Variants in NDEL1 observed in about 807,000 individuals in gnomAD.
The protein encoded by NDEL1 is nuclear distribution protein nudE-like 1.
In NDEL1, 9 loss-of-function variants were observed where a neutral mutation model predicts 45.7. That is an observed-to-expected ratio of 0.20 (90% confidence interval 0.12 to 0.34). NDEL1 has a LOEUF of 0.34. NDEL1 is among the 10% of genes least tolerant of loss of function. The pLI is 1.00. For missense variants in NDEL1, 306 were observed against 406.2 expected (o/e 0.75, Z 2.12); for synonymous variants, 133 against 158.6 (o/e 0.84, Z 1.21).
intron 5 of NDEL1, among the ~76,000 whole-genome samples, 177 bp from the exon 6 acceptor site, chr17:8,450,603 A>G (rs563817865): frequency 3.9e-5 from 6 of 152,332 alleles, no homozygotes; most frequent in African/African-American, 1.4e-4. Context: ...GATCATTTAG[A>G]CAGTAGTTTT....
At chr17:8,427,844 C>T (rs1001920632) in intron 1 of NDEL1, among the ~76,000 whole-genome samples, 1 of 152,134 alleles carries the variant, frequency 6.6e-6, no homozygotes, top group East Asian at 1.9e-4. Context: ...TATTGAGTGC[C>T]CACTCAGTGA....
In NDEL1 at chr17:8,460,161, G is replaced by A. The variant is rs1911108590; in HGVS notation, c.944+1G>A. 6.2e-7 allele frequency: 1 copy of A among 1,611,174 alleles called. No individual in the cohort carries two copies. The highest frequency in any genetic ancestry group is 8.5e-7 in the Non-Finnish European group (1 of 1,179,016). On this transcript the variant is annotated splice_donor_variant, in intron 8 of 8. Transcript: ENST00000334527. LOFTEE classifies it high-confidence loss of function. ...GGCATACATCTTTCTTCGACAAAGG[G>A]TAAGTCCTGAATGTTTTAAGTGATA...
intron 8 of NDEL1, chr17:8,463,413 G>C: frequency 6.6e-7 from 1 of 1,520,550 alleles, no homozygotes; most frequent in Admixed American, 1.7e-5. Context: ...GTGTGTGGTG[G>C]AAGACACATT....
At chr17:8,470,749 T>C (rs554074298), downstream of NDEL1, among the ~76,000 whole-genome samples, 2 of 152,318 alleles carry the variant, frequency 1.3e-5, no homozygotes, top group Admixed American at 6.5e-5. This position sits in a 1 kb window ranked among gnomAD's most constrained non-coding sequence, Gnocchi z 4.2. Context: ...ACTCCCACGC[T>C]CTGTCCTGTG....
upstream of NDEL1, among the ~76,000 whole-genome samples, chr17:8,434,395 T>G (rs1401795967): frequency 2.0e-5 from 3 of 152,046 alleles, no homozygotes; most frequent in Admixed American, 2.0e-4. Context: ...TTTTGTACTT[T>G]TAGTAGAGAC....
intron 1 of NDEL1, chr17:8,436,618 A>C (rs1909361739): frequency 6.6e-6 from 1 of 152,272 alleles, no homozygotes; most frequent in Non-Finnish European, 1.5e-5. Flanking sequence ...AAGTGTCACC[A>C]ACGGGCTCGG....
At chr17:8,462,642 T>G (rs1021427933) in intron 8 of NDEL1, 1 of 152,228 alleles carries the variant, frequency 6.6e-6, no homozygotes, top group African/African-American at 2.4e-5. Context: ...GGCTTGTAGT[T>G]TCAGCATGAG....
At chr17:8,418,381 G>T (rs1489557014) in intron 1 of NDEL1, among the ~76,000 whole-genome samples, 1 of 152,132 alleles carries the variant, frequency 6.6e-6, no homozygotes, top group Non-Finnish European at 1.5e-5. Flanking sequence ...CTAACATTGG[G>T]TATTACCATT....
At chr17:8,442,326 C>T (rs1181561595) in intron 1 of NDEL1, among the ~76,000 whole-genome samples, 3 of 152,214 alleles carry the variant, frequency 2.0e-5, no homozygotes. Flanking sequence ...TTGCTTACTC[C>T]ATTCCTGAAG....
chr17:8,468,919 G>A (rs939324814), downstream of NDEL1, among the ~76,000 whole-genome samples: 10 of 152,134 alleles, frequency 6.6e-5, no homozygotes, highest in Non-Finnish European at 1.0e-4. Context: ...CAGGAGAATC[G>A]CTTGAACCTG....
In NDEL1 at chr17:8,445,703, C is replaced by T. The variant is rs776485207; in HGVS notation, c.87-8C>T. 6.3e-7 allele frequency: 1 copy of T among 1,587,266 alleles called. No individual in the cohort carries two copies. The highest frequency in any genetic ancestry group is 1.4e-5 in the African/African-American group (1 of 73,008). The stretch of plus-strand genomic sequence containing the variant: ...GTAACTCGTCTTTCCCACTTTGTTT[C>T]TGATTAGCTTCCAGGAAGCTCGGGA... On this transcript the variant is annotated splice_polypyrimidine_tract_variant and splice_region_variant and intron_variant, in intron 2 of 8. Coordinates refer to ENST00000334527, the MANE Select transcript of NDEL1 (RefSeq NM_030808.5).
rs1390088230 is a variant in NDEL1 at position 8,448,705 on chromosome 17, A to G, written c.526+19A>G. The G allele has an allele frequency of 6.2e-7, 1 of 1,600,760 alleles. No individual in the cohort carries two copies. The highest frequency in any genetic ancestry group is 1.3e-5 in the African/African-American group (1 of 74,406). ...GCAAGAGGTAAAATTTATAACTTAAAGAATACAGTTGACCCTTGAACAACA... is the reference window on the plus strand; with the variant it reads ...GCAAGAGGTAAAATTTATAACTTAAGGAATACAGTTGACCCTTGAACAACA... On this transcript the variant is annotated intron_variant, in intron 5 of 8. Coordinates refer to ENST00000334527, the MANE Select transcript of NDEL1 (RefSeq NM_030808.5).
At chr17:8,460,307 T>A in intron 8 of NDEL1, 147 bp downstream of exon 8, 1 of 816,888 alleles carries the variant, frequency 1.2e-6, no homozygotes, top group Non-Finnish European at 1.9e-6. Flanking sequence ...TGACATGACG[T>A]CTGTTGTTGT....
chr17:8,428,365 T>TA (rs1449596443), intron 1 of NDEL1, among the ~76,000 whole-genome samples: 6 of 146,454 alleles, frequency 4.1e-5, no homozygotes, highest in Non-Finnish European at 7.5e-5. Flanking sequence ...TGTGTGTATT[T>TA]TTTTTTTTTT....
At chr17:8,428,964 C>A (rs557892378) in intron 1 of NDEL1, among the ~76,000 whole-genome samples, 1 of 152,202 alleles carries the variant, frequency 6.6e-6, no homozygotes, top group East Asian at 1.9e-4. Context: ...TGAGCCACCG[C>A]GCCCGGCCTA....
At chr17:8,417,032 T>C (rs1908561389) in intron 1 of NDEL1, among the ~76,000 whole-genome samples, 1 of 152,234 alleles carries the variant, frequency 6.6e-6, no homozygotes, top group African/African-American at 2.4e-5. Flanking sequence ...TCTCTGAAGA[T>C]ATTAAACATT....
At chr17:8,469,612 C>A (rs767237804), downstream of NDEL1, among the ~76,000 whole-genome samples, 7 of 152,120 alleles carry the variant, frequency 4.6e-5, no homozygotes, top group Non-Finnish European at 7.3e-5. Context: ...ATTTCTGATC[C>A]CTTTGGGAAG....
intron 1 of NDEL1, among the ~76,000 whole-genome samples, chr17:8,430,171 G>T (rs1390337386): frequency 1.3e-5 from 2 of 152,164 alleles, no homozygotes. Flanking sequence ...TCTGTTTGGG[G>T]TTTCGGCATG....
chr17:8,461,908 G>A (rs1464961724), intron 8 of NDEL1, among the ~76,000 whole-genome samples: 3 of 152,076 alleles, frequency 2.0e-5, no homozygotes, highest in African/African-American at 7.2e-5. Context: ...ACAGGTGCCT[G>A]TGCGTGTGGA....
Sources: allele counts gnomAD v4.1 joint callset (sites outside exome capture counted in the v4.1 genomes callset), GRCh38; gene constraint gnomAD v4.1.1; non-coding constraint Gnocchi (gnomAD v3.1); transcripts MANE v1.5; gene names NCBI Gene and HGNC (gene_info 2026-07-23, HGNC 2026-07-21).